Variants in CDH7 observed in about 807,000 individuals in gnomAD.
CDH7 encodes the protein cadherin-7.
Under a neutral mutation model 71.8 loss-of-function variants are expected in CDH7, and 25 were observed. The observed-to-expected ratio is 0.35, with a 90% CI of 0.25 to 0.49. The LOEUF is 0.49. CDH7 is among the 20% of genes least tolerant of loss of function. The pLI is 0.99. For missense variants in CDH7, 862 were observed against 974.6 expected, an observed-to-expected ratio of 0.88 and a Z score of 1.54; for synonymous variants, 381 against 363.8, an observed-to-expected ratio of 1.05 and a Z score of -0.54.
rs879796330 is a variant in CDH7, at chr18:65,781,750, A to ATTTCTTTC, written c.210+18711_210+18718dup. Among the ~76,000 whole-genome samples, 69 of 78,508 alleles carry ATTTCTTTC rather than the reference A, an allele frequency of 8.8e-4. 6 individuals carry two copies. The highest frequency in any genetic ancestry group is 2.1e-3 in the South Asian group (4 of 1,904). 51.5% of individuals were successfully genotyped at this position (78,508 alleles called of 152,430 possible). ...ACCTTTCTAGCTACCCTATTGGTTG[A>ATTTCTTTC]TTTCTTTCTTTCTTTCTTTCCTTCC... On this transcript the variant is annotated intron_variant, in intron 2 of 11. Coordinates refer to ENST00000397968, the MANE Select transcript of CDH7 (RefSeq NM_004361.5).
chr18:65,823,673 A>C (rs74552710), intron 5 of CDH7, among the ~76,000 whole-genome samples: 2,593 of 152,036 alleles, frequency 0.017, 63 homozygotes, highest in African/African-American at 0.058. Context: ...ACTATTCACA[A>C]AGTCTAGAAA....
At chr18:65,782,407 C>A (rs778109944) in intron 2 of CDH7, among the ~76,000 whole-genome samples, 7 of 151,966 alleles carry the variant, frequency 4.6e-5, no homozygotes, top group Non-Finnish European at 1.5e-5. Context: ...ATCCACCTGC[C>A]TCGGCCTCCC....
intron 1 of CDH7, among the ~76,000 whole-genome samples, chr18:65,754,397 A>G (rs1915974548): frequency 6.6e-6 from 1 of 152,172 alleles, no homozygotes; most frequent in Non-Finnish European, 1.5e-5. Context: ...CAGGGAGCTA[A>G]TGGATTTGAT....
intron 2 of CDH7, among the ~76,000 whole-genome samples, chr18:65,802,639 C>T (rs1335290033): frequency 1.3e-5 from 2 of 152,144 alleles, no homozygotes; most frequent in African/African-American, 4.8e-5. Flanking sequence ...ATCCGGCGAG[C>T]CCTCAAGTAG....
intron 2 of CDH7, among the ~76,000 whole-genome samples, chr18:65,798,778 C>A (rs571390710): frequency 4.6e-5 from 7 of 152,214 alleles, no homozygotes; most frequent in African/African-American, 1.7e-4. Flanking sequence ...GATGTGTTAT[C>A]TTTGGTCAAG....
At chr18:65,761,822 G>C (rs372205596) in intron 1 of CDH7, among the ~76,000 whole-genome samples, 4 of 152,224 alleles carry the variant, frequency 2.6e-5, no homozygotes, top group African/African-American at 9.6e-5. Context: ...GCACCTCCTG[G>C]ATGCATGCCA....
At chr18:65,752,483 C>T (rs1915911030) in intron 1 of CDH7, among the ~76,000 whole-genome samples, 1 of 152,184 alleles carries the variant, frequency 6.6e-6, no homozygotes, top group African/African-American at 2.4e-5. Context: ...TTGAAGCGTT[C>T]AGTAACTCAC....
chr18:65,846,543 A>G (rs1310686412), intron 7 of CDH7, among the ~76,000 whole-genome samples: 3 of 152,166 alleles, frequency 2.0e-5, no homozygotes, highest in South Asian at 2.1e-4. Flanking sequence ...CACGATTTTC[A>G]TAAGGTCAGC....
chr18:65,764,053 G>A (rs1916283062), intron 2 of CDH7, among the ~76,000 whole-genome samples: 2 of 152,074 alleles, frequency 1.3e-5, no homozygotes, highest in South Asian at 2.1e-4. Flanking sequence ...TTTTATATTT[G>A]TCTTCCTGGT....
intron 7 of CDH7, among the ~76,000 whole-genome samples, chr18:65,848,291 C>T (rs138844395): frequency 1.5e-3 from 223 of 152,250 alleles, no homozygotes; most frequent in African/African-American, 4.9e-3. Context: ...CATTAAAAAC[C>T]TGTGTTATGC....
At chr18:65,786,898 A>G (rs1348660367) in intron 2 of CDH7, among the ~76,000 whole-genome samples, 1 of 152,154 alleles carries the variant, frequency 6.6e-6, no homozygotes, top group Non-Finnish European at 1.5e-5. Context: ...TATGTTGCCC[A>G]GGCTGGTCTC....
chr18:65,767,360 G>T (rs2143798935), intron 2 of CDH7, among the ~76,000 whole-genome samples: 1 of 152,142 alleles, frequency 6.6e-6, no homozygotes, highest in South Asian at 2.1e-4. Context: ...TTGAAAATAG[G>T]TTGTGTTTAT....
intron 2 of CDH7, among the ~76,000 whole-genome samples, chr18:65,788,811 A>G (rs768290142): frequency 2.6e-5 from 4 of 152,344 alleles, no homozygotes; most frequent in South Asian, 2.1e-4. Context: ...AAAGTTTTCA[A>G]TAAGAATCTA....
chr18:65,824,854 T>G, intron 6 of CDH7, 23 bp downstream of exon 6: 1 of 1,513,486 alleles, frequency 6.6e-7, no homozygotes. Flanking sequence ...TTATTTATCT[T>G]TTATCACAGA....
chr18:65,815,436 T>C (rs1911691342), intron 4 of CDH7, among the ~76,000 whole-genome samples: 1 of 152,230 alleles, frequency 6.6e-6, no homozygotes, highest in African/African-American at 2.4e-5. Flanking sequence ...TTTATGATTA[T>C]GAATAGTCAT....
rs375665170 is a variant in CDH7, at chr18:65,798,688, T to C, written c.211-11016T>C. 1.4e-4 allele frequency among the ~76,000 whole-genome samples: 22 copies of C among 152,200 alleles called. 1 individual carries two copies. Among genetic ancestry groups the C allele is most frequent in the African/African-American group, 4.8e-4 (20 of 41,520 alleles). ...CAGGAGTAGGGAAGGGTCTTCATAG[T>C]TGTCTTGAGCTAAAGGGAAAAGGAG... On this transcript the variant is annotated intron_variant, in intron 2 of 11. Coordinates refer to ENST00000397968, the MANE Select transcript of CDH7 (RefSeq NM_004361.5).
Position 65,792,294 on chromosome 18 carries a change from G to A in CDH7, c.211-17410G>A, listed in dbSNP as rs879136541. On this transcript the variant is annotated intron_variant, in intron 2 of 11. Coordinates refer to ENST00000397968, the MANE Select transcript of CDH7 (RefSeq NM_004361.5). ...GACAAAGGAGGGTTTTCTGATTTCT[G>A]TACTCGGGAAGAGTGAATTGATAAG... is the stretch of plus-strand genomic sequence containing the variant. 2.0e-5 allele frequency among the ~76,000 whole-genome samples: 3 copies of A among 147,544 alleles called. No homozygotes were observed. In the Admixed American group the frequency reaches 2.1e-4, roughly 10 times the overall value.
In CDH7 at chr18:65,778,529, C is replaced by CTTTTTTTTTTTTT. The variant is rs1156727313; in HGVS notation, c.210+15485_210+15497dup. Among the ~76,000 whole-genome samples, 756 of 84,146 alleles carry CTTTTTTTTTTTTT rather than the reference C, an allele frequency of 9.0e-3. 85 individuals are homozygous for CTTTTTTTTTTTTT. The highest frequency in any genetic ancestry group is 0.029 in the African/African-American group (661 of 22,468). 55.2% of individuals were successfully genotyped at this position (84,146 alleles called of 152,430 possible). On this transcript the variant is annotated intron_variant, in intron 2 of 11. Coordinates refer to ENST00000397968, the MANE Select transcript of CDH7 (RefSeq NM_004361.5). ...AATTTTTTGCCCCAGGCGTCTCACTCTTTTTTTTTTTTTTTTTTTTACATA... is the reference window on the plus strand; with the variant it reads ...AATTTTTTGCCCCAGGCGTCTCACTCTTTTTTTTTTTTTTTTTTTTTTTTTTTTTTTTTACATA...
intron 6 of CDH7, 117 bp downstream of exon 6, chr18:65,824,948 A>G: frequency 6.6e-6 from 4 of 607,112 alleles, no homozygotes; most frequent in South Asian, 6.9e-5. Context: ...TTTTAATTTT[A>G]GTAAGATAAG....
Sources: allele counts gnomAD v4.1 joint callset (sites outside exome capture counted in the v4.1 genomes callset), GRCh38; gene constraint gnomAD v4.1.1; transcripts MANE v1.5; gene names NCBI Gene and HGNC (gene_info 2026-07-23, HGNC 2026-07-21).